CD109: variants seen among roughly 807,000 people sequenced by gnomAD.
CD109 encodes the protein CD109 antigen.
CD109 carries 149 observed loss-of-function variants against 165.8 expected under a neutral mutation model. That is an observed-to-expected ratio of 0.90 (90% CI 0.79 to 1.03). CD109 has a LOEUF of 1.03. CD109 is among the 50% of genes least tolerant of loss of function. The probability of loss-of-function intolerance (pLI) is 0.00; values close to 1 mark genes in which losing one functional copy is unlikely to be tolerated. For synonymous variants in CD109, 585 were observed against 592.1 expected (o/e 0.99, Z 0.18); for missense variants, 1,712 against 1,677.8 (o/e 1.02, Z -0.36).
intron 17 of CD109, 24 bp downstream of exon 17, chr6:73,781,343 T>C (rs749134319): frequency 6.3e-6 from 10 of 1,585,264 alleles, no homozygotes; most frequent in South Asian, 5.5e-5. Context: ...GGCGACATGC[T>C]TGTATTTGTC....
At chr6:73,750,988 AGT>A (rs1773169030) in intron 5 of CD109, among the ~76,000 whole-genome samples, 1 of 152,128 alleles carries the variant, frequency 6.6e-6, no homozygotes, top group Non-Finnish European at 1.5e-5. Flanking sequence ...TAATATGTCC[AGT>A]CTAATAAAAT....
chr6:73,737,471 TG>T (rs1424025974), intron 5 of CD109, among the ~76,000 whole-genome samples: 1 of 29,244 alleles, frequency 3.4e-5, no homozygotes, highest in Non-Finnish European at 5.6e-5. Context: ...CTCTACCGAA[TG>T]AATGTATGAT....
chr6:73,698,194 T>C (rs984047400), intron 2 of CD109, among the ~76,000 whole-genome samples: 1 of 152,216 alleles, frequency 6.6e-6, no homozygotes, highest in African/African-American at 2.4e-5. Flanking sequence ...GTTTCAAGTT[T>C]GGGTTCTGAC....
chr6:73,807,063 A>G lies in CD109; in HGVS notation c.3180A>G (p.Arg1060=), dbSNP rs1295169091. 3.1e-6 allele frequency: 5 copies of G among 1,609,002 alleles called. No homozygotes were observed. The Admixed American group carries it at 6.7e-5, about 21-fold the overall frequency. Residue 1060 remains arginine (R), a synonymous_variant, in exon 25 of 33, where the codon AGA becomes AGG. Transcript: ENST00000287097. ...TTGTAACTTCTCTCCTGGGATATAGAAAGTATCAGGTATTTCGTATTTAAT... is the reference window on the plus strand; with the variant it reads ...TTGTAACTTCTCTCCTGGGATATAGGAAGTATCAGGTATTTCGTATTTAAT... The part of the protein sequence containing the change: ...AYIVTSLLGY[R]KYQPNIDVQE...
chr6:73,816,045 G>C (rs1775924436), intron 30 of CD109, among the ~76,000 whole-genome samples: 1 of 152,164 alleles, frequency 6.6e-6, no homozygotes, highest in African/African-American at 2.4e-5. Flanking sequence ...TCATCTCTGG[G>C]TGTTCATCCA....
At chr6:73,816,452 A>G (rs1775940643) in intron 30 of CD109, among the ~76,000 whole-genome samples, 1 of 152,150 alleles carries the variant, frequency 6.6e-6, no homozygotes, top group Admixed American at 6.5e-5. Context: ...ATGTGTTATT[A>G]TTATCCCTGC....
intron 5 of CD109, among the ~76,000 whole-genome samples, chr6:73,756,193 A>T (rs1351364357): frequency 6.6e-6 from 1 of 152,250 alleles, no homozygotes; most frequent in Non-Finnish European, 1.5e-5. Context: ...TTAATTATTT[A>T]TAAGTATTTG....
rs200291030 is a variant in CD109, at chr6:73,765,888, T to C, written c.1108-42T>C. 149 of 1,393,870 alleles carry C rather than the reference T, an allele frequency of 1.1e-4. 1 individual carries two copies. The African/African-American group carries it at 1.9e-3, about 18-fold the overall frequency. 86.3% of individuals were successfully genotyped at this position (1,393,870 alleles called of 1,614,324 possible). A position where few individuals can be genotyped will look rare whatever the true frequency, so the allele number is the denominator to read the frequency against. Reference sequence around the variant, plus strand: ...GACGGAAACTGTATTTAATCGTACTTAAATCCTTTGTGTTTTTAAGATGTT... The same window carrying C: ...GACGGAAACTGTATTTAATCGTACTCAAATCCTTTGTGTTTTTAAGATGTT... On this transcript the variant is annotated intron_variant, in intron 10 of 32. Transcript: ENST00000287097.
intron 23 of CD109, among the ~76,000 whole-genome samples, chr6:73,802,169 C>T (rs1775378275): frequency 1.3e-5 from 2 of 150,674 alleles, no homozygotes; most frequent in Non-Finnish European, 3.0e-5. Context: ...GACACATTTG[C>T]TTTTATTAAT....
intron 23 of CD109, 24 bp from the exon 24 acceptor site, chr6:73,803,196 C>T (rs750277399): frequency 1.3e-6 from 2 of 1,507,586 alleles, no homozygotes; most frequent in South Asian, 1.1e-5. Context: ...ATTACTTTGA[C>T]TATCTGTCTA....
At position 73,725,504 on chromosome 6, in the gene CD109, C is replaced by CTTTTTTT. The variant is rs386407559; in HGVS notation, c.276+2240_276+2246dup. ...AACTAGAAATTTGTCTACTACACTTCTTTTTTTTTTTTTTTTTTTTTGAGA... is the reference window on the plus strand; with the variant it reads ...AACTAGAAATTTGTCTACTACACTTCTTTTTTTTTTTTTTTTTTTTTTTTTTTTGAGA... On this transcript the variant is annotated intron_variant, in intron 3 of 32. Coordinates refer to ENST00000287097, the MANE Select transcript of CD109 (RefSeq NM_133493.5). Among the ~76,000 whole-genome samples the CTTTTTTT allele has an allele frequency of 5.6e-3, 500 of 89,408 alleles. 10 individuals carry two copies. Among genetic ancestry groups the CTTTTTTT allele is most frequent in the African/African-American group, 6.3e-3 (130 of 20,776 alleles). The allele number at this position is 89,408 out of a possible 152,430, so 58.7% of individuals were successfully genotyped here.
At chr6:73,687,534 T>C in the CD109 span, among the ~76,000 whole-genome samples, 1 of 144,630 alleles carries the variant, frequency 6.9e-6, no homozygotes, top group East Asian at 2.3e-4. Flanking sequence ...TTGTCCTTCA[T>C]GGAAACATTG....
At chr6:73,776,553 C>CT (rs34703329) in intron 15 of CD109, among the ~76,000 whole-genome samples, 1,875 of 73,080 alleles carry the variant, frequency 0.026, 61 homozygotes, top group African/African-American at 0.04. Flanking sequence ...CGCAAGTGGC[C>CT]TTTTTTTTTT....
At chr6:73,813,226 C>A (rs961616796) in intron 29 of CD109, among the ~76,000 whole-genome samples, 1 of 152,074 alleles carries the variant, frequency 6.6e-6, no homozygotes, top group South Asian at 2.1e-4. Flanking sequence ...CAATTTATTT[C>A]GATCTTTACT....
chr6:73,757,110 A>C (rs1193330500), intron 6 of CD109, among the ~76,000 whole-genome samples: 2 of 152,226 alleles, frequency 1.3e-5, no homozygotes, highest in Non-Finnish European at 2.9e-5. Flanking sequence ...AAACCCATAG[A>C]TAAAAACAGT....
intron 5 of CD109, among the ~76,000 whole-genome samples, chr6:73,741,896 C>T (rs984047024): frequency 2.0e-5 from 3 of 152,162 alleles, no homozygotes; most frequent in Non-Finnish European, 2.9e-5. Flanking sequence ...GGCTCGAACT[C>T]CTGACCTCAG....
At position 73,752,612 on chromosome 6, in the gene CD109, CAG is replaced by C. The variant is rs564652242; in HGVS notation, c.634-4026_634-4025del. ...AAGGCCGTCTTACATCCAGTAGAAA[CAG>C]AGAGTTTCTACTGGATGTGCTTTGG... On this transcript the variant is annotated intron_variant, in intron 5 of 32. Coordinates refer to ENST00000287097, the MANE Select transcript of CD109 (RefSeq NM_133493.5). 2.6e-5 allele frequency among the ~76,000 whole-genome samples: 4 copies of C among 152,252 alleles called. No homozygotes were observed. The South Asian group carries it at 8.3e-4, about 32-fold the overall frequency.
chr6:73,794,254 A>T (rs1456401896), intron 23 of CD109, among the ~76,000 whole-genome samples: 1 of 152,230 alleles, frequency 6.6e-6, no homozygotes, highest in Non-Finnish European at 1.5e-5. Flanking sequence ...GAATTTACCC[A>T]TGGTGGTCTG....
intron 15 of CD109, among the ~76,000 whole-genome samples, chr6:73,775,118 T>C (rs1484301164): frequency 1.3e-5 from 2 of 152,092 alleles, no homozygotes; most frequent in African/African-American, 4.8e-5. Context: ...GGAAGATTTC[T>C]TTATGAGATA....
Sources: gnomAD v4.1 joint callset for allele counts (sites outside exome capture counted in the v4.1 genomes callset) on GRCh38, gnomAD v4.1.1 for gene constraint, MANE v1.5 for transcripts, NCBI Gene and HGNC (gene_info 2026-07-23, HGNC 2026-07-21) for gene names.